SPHKAP: variants seen among roughly 807,000 people sequenced by gnomAD.
The protein encoded by SPHKAP is SPHK1 interactor, AKAP domain containing, also known as A-kinase anchor protein SPHKAP.
Under a neutral mutation model 137.5 loss-of-function variants are expected in SPHKAP, and 67 were observed. That is an observed-to-expected ratio of 0.49 (90% CI 0.40 to 0.60). The LOEUF (loss-of-function observed/expected upper bound fraction) is 0.60. SPHKAP is among the 20% of genes least tolerant of loss of function. The pLI, the probability that SPHKAP is intolerant of heterozygous loss-of-function variation, is 0.00. For missense variants in SPHKAP, 2,097 were observed against 2,069.3 expected (o/e 1.01, Z -0.26); for synonymous variants, 813 against 785.3 (o/e 1.04, Z -0.59).
intron 2 of SPHKAP, among the ~76,000 whole-genome samples, chr2:228,122,549 G>A (rs113843294): frequency 0.035 from 5,402 of 152,186 alleles, 290 homozygotes; most frequent in African/African-American, 0.12. Flanking sequence ...AACCATAACT[G>A]GTGGCTTAAA....
chr2:228,022,597 G>A (rs1177815512), intron 5 of SPHKAP, among the ~76,000 whole-genome samples: 1 of 152,126 alleles, frequency 6.6e-6, no homozygotes. Context: ...ACATTTCTGG[G>A]TATAAAGCTG....
At chr2:228,160,520 A>G (rs1316631838) in intron 1 of SPHKAP, among the ~76,000 whole-genome samples, 1 of 152,184 alleles carries the variant, frequency 6.6e-6, no homozygotes, top group East Asian at 1.9e-4. Flanking sequence ...AGCCCCTTAT[A>G]AAACCATCAG....
intron 1 of SPHKAP, among the ~76,000 whole-genome samples, chr2:228,154,776 G>T (rs1391020456): frequency 4.1e-5 from 6 of 145,416 alleles, no homozygotes; most frequent in African/African-American, 1.5e-4. Context: ...AGCCAGGATG[G>T]TCTCTATCTC....
At chr2:228,150,003 C>T (rs4438470) in intron 1 of SPHKAP, among the ~76,000 whole-genome samples, 16,443 of 152,136 alleles carry the variant, frequency 0.11, 1,138 homozygotes, top group East Asian at 0.18. Flanking sequence ...CTTAAAGTTA[C>T]ACCACCATGT....
intron 3 of SPHKAP, among the ~76,000 whole-genome samples, chr2:228,092,873 T>C (rs1338502805): frequency 6.6e-6 from 1 of 151,948 alleles, no homozygotes; most frequent in East Asian, 1.9e-4. Context: ...TGCAAAGGCA[T>C]GAGAACAATA....
chr2:228,064,948 G>A (rs551329858), intron 3 of SPHKAP, among the ~76,000 whole-genome samples: 1 of 152,332 alleles, frequency 6.6e-6, no homozygotes, highest in Admixed American at 6.5e-5. Flanking sequence ...GAAGCAAGTA[G>A]CCTTGAAGGA....
chr2:228,109,808 A>T (rs920064281), intron 2 of SPHKAP, among the ~76,000 whole-genome samples: 4 of 151,946 alleles, frequency 2.6e-5, no homozygotes, highest in African/African-American at 9.7e-5. Context: ...TCTACTAAAC[A>T]TACAAAAAGT....
At chr2:228,169,546 A>T (rs1252623046) in intron 1 of SPHKAP, among the ~76,000 whole-genome samples, 1 of 152,042 alleles carries the variant, frequency 6.6e-6, no homozygotes, top group Non-Finnish European at 1.5e-5. Context: ...GCCCACTGAG[A>T]CCTGTTGCTT....
chr2:228,005,898 C>A (rs1235909572), intron 7 of SPHKAP, among the ~76,000 whole-genome samples: 1 of 152,106 alleles, frequency 6.6e-6, no homozygotes, highest in Admixed American at 6.6e-5. Context: ...AGAGTTTCTG[C>A]CTAGAGATCA....
chr2:228,063,974 G>A (rs12466849), intron 3 of SPHKAP, among the ~76,000 whole-genome samples: 43,952 of 151,962 alleles, frequency 0.29, 6,656 homozygotes, highest in East Asian at 0.42. Context: ...ATGGTTTTGA[G>A]GGCTGATCTT....
intron 3 of SPHKAP, among the ~76,000 whole-genome samples, chr2:228,042,674 A>G (rs1695897211): frequency 6.6e-6 from 1 of 152,186 alleles, no homozygotes; most frequent in Admixed American, 6.5e-5. Flanking sequence ...AACAATTAAA[A>G]TTTGGCTCCT....
chr2:228,124,158 T>C (rs1443003811), intron 2 of SPHKAP, among the ~76,000 whole-genome samples: 1 of 152,156 alleles, frequency 6.6e-6, no homozygotes, highest in Non-Finnish European at 1.5e-5. Flanking sequence ...AGTTCAACCA[T>C]TGTGGAAGTC....
intron 1 of SPHKAP, among the ~76,000 whole-genome samples, chr2:228,149,721 A>T (rs1699875274): frequency 7.5e-6 from 1 of 133,340 alleles, no homozygotes; most frequent in African/African-American, 2.6e-5. Context: ...CCTTTTTAAA[A>T]TTTTCCCTTT....
intron 3 of SPHKAP, among the ~76,000 whole-genome samples, chr2:228,055,091 G>A (rs1696389030): frequency 7.4e-6 from 1 of 135,606 alleles, no homozygotes; most frequent in Admixed American, 8.7e-5. Flanking sequence ...GCAGTGAGCT[G>A]AGATCATGCC....
intron 3 of SPHKAP, among the ~76,000 whole-genome samples, chr2:228,061,721 C>T (rs1574812448): frequency 6.6e-6 from 1 of 150,834 alleles, no homozygotes; most frequent in Admixed American, 6.6e-5. Context: ...TCTGAATATC[C>T]AGGAAATATA....
intron 3 of SPHKAP, among the ~76,000 whole-genome samples, chr2:228,096,523 C>G (rs554962081): frequency 1.3e-5 from 2 of 152,030 alleles, no homozygotes; most frequent in Non-Finnish European, 2.9e-5. Context: ...CTTGCCCATA[C>G]GAAAACTGCA....
intron 1 of SPHKAP, among the ~76,000 whole-genome samples, chr2:228,148,138 G>T (rs929525478): frequency 6.6e-6 from 1 of 152,150 alleles, no homozygotes; most frequent in East Asian, 1.9e-4. Flanking sequence ...GGAGCCCAGA[G>T]AAGAGCAATG....
intron 4 of SPHKAP, 92 bp from the exon 5 acceptor site, chr2:228,025,620 C>T (rs1695004277): frequency 6.8e-7 from 1 of 1,468,076 alleles, no homozygotes; most frequent in African/African-American, 1.4e-5. Flanking sequence ...ATACTCATAA[C>T]TGCTCATACA....
intron 3 of SPHKAP, among the ~76,000 whole-genome samples, chr2:228,103,408 G>A (rs1285867679): frequency 2.0e-5 from 3 of 152,204 alleles, no homozygotes; most frequent in Non-Finnish European, 4.4e-5. Flanking sequence ...TAAGGAGCAA[G>A]CCTCCCAAGT....
Sources: allele counts gnomAD v4.1 joint callset (sites outside exome capture counted in the v4.1 genomes callset), GRCh38; gene constraint gnomAD v4.1.1; transcripts MANE v1.5; gene names NCBI Gene and HGNC (gene_info 2026-07-23, HGNC 2026-07-21).